CLASP2: variants seen among roughly 807,000 people sequenced by gnomAD.
CLASP2 encodes the protein CLIP-associating protein 2.
In CLASP2, 47 loss-of-function variants were observed where a neutral mutation model predicts 194.4. The observed-to-expected ratio is 0.24, with a 90% CI of 0.19 to 0.31. The LOEUF is 0.31. CLASP2 is among the 10% of genes least tolerant of loss of function. CLASP2 has a pLI of 1.00. For synonymous variants in CLASP2, 619 were observed against 633.5 expected (o/e 0.98, Z 0.34); for missense variants, 1,445 against 1,823.6 (o/e 0.79, Z 3.78).
intron 7 of CLASP2, among the ~76,000 whole-genome samples, chr3:33,657,018 C>A (rs533173590): frequency 2.6e-3 from 388 of 152,084 alleles, no homozygotes; most frequent in Non-Finnish European, 4.9e-3. Context: ...CACCTGGGCT[C>A]GGGGCTTGAA....
chr3:33,589,321 T>G (rs2068137557), intron 21 of CLASP2, among the ~76,000 whole-genome samples: 2 of 152,098 alleles, frequency 1.3e-5, no homozygotes, highest in South Asian at 4.1e-4. Context: ...CATTTATTTA[T>G]TTATTTTGGT....
chr3:33,559,524 T>C lies in CLASP2; in HGVS notation c.2931-139A>G, dbSNP rs937749709. On this transcript the variant is annotated intron_variant, in intron 28 of 38. Transcript: ENST00000682230. ...AGTAGTATCTGCATGTGGTATAAAC[T>C]ACCTGGTATAGTATACAATAAATGC... is the stretch of plus-strand genomic sequence containing the variant. 7 of 624,430 alleles carry C rather than the reference T, an allele frequency of 1.1e-5. No individual in the cohort carries two copies. In the East Asian group the frequency reaches 1.4e-4, roughly 12 times the overall value. 38.7% of individuals were successfully genotyped at this position (624,430 alleles called of 1,614,324 possible). A position where few individuals can be genotyped will look rare whatever the true frequency, so the allele number is the denominator to read the frequency against.
intron 26 of CLASP2, among the ~76,000 whole-genome samples, chr3:33,570,457 T>A (rs1216749614): frequency 6.6e-6 from 1 of 152,222 alleles, no homozygotes; most frequent in Non-Finnish European, 1.5e-5. Flanking sequence ...ACAGTCTTAG[T>A]AACACAAAAT....
Position 33,560,794 on chromosome 3 carries a change from G to GA in CLASP2, c.2930+13dup, listed in dbSNP as rs1351866785. On this transcript the variant is annotated intron_variant, in intron 28 of 38. Coordinates refer to ENST00000682230, the MANE Select transcript of CLASP2 (RefSeq NM_001365631.1). ...ATTATCAGGTTAACTTGAAATATAT[G>GA]AAAAAAATATTACCTTGTAACATCA... is the stretch of plus-strand genomic sequence containing the variant. 1.2e-6 allele frequency: 2 copies of GA among 1,608,364 alleles called. No individual in the cohort carries two copies. Among genetic ancestry groups the GA allele is most frequent in the Non-Finnish European group, 1.7e-6 (2 of 1,177,390 alleles).
At chr3:33,559,769 C>T (rs1450817972) in intron 28 of CLASP2, among the ~76,000 whole-genome samples, 1 of 152,088 alleles carries the variant, frequency 6.6e-6, no homozygotes, top group African/African-American at 2.4e-5. Context: ...TGGCGCATGT[C>T]TGTAATCTCA....
Position 33,544,827 on chromosome 3 carries a change from C to A in CLASP2, c.3168G>T (p.Val1056=). The change falls in exon 31 of 39, where the codon GTG becomes GTT. Residue 1056 remains valine, a synonymous_variant. Coordinates refer to ENST00000682230, the MANE Select transcript of CLASP2 (RefSeq NM_001365631.1). The part of the protein sequence containing the change: ...SSDVRKAAQS[V]LISLFELNTP... ...TATTGAGTTCAAATAATGAAATCAG[C>A]ACTGACTGTGCTGCCTAAAAAACAA... 6.2e-7 allele frequency: 1 copy of A among 1,608,320 alleles called. No homozygotes were observed. The highest frequency in any genetic ancestry group is 8.5e-7 in the Non-Finnish European group (1 of 1,177,784).
rs117050432 is a variant in CLASP2, at chr3:33,610,984, T to C, written c.1388+1017A>G. ...ACAAATCTTGTTTTTCCTGTCTTTA[T>C]TATTGTTGGCGATAGTGGTGTGAAG... On this transcript the variant is annotated intron_variant, in intron 13 of 38. Transcript: ENST00000682230. Among the ~76,000 whole-genome samples the C allele has an allele frequency of 6.7e-4, 102 of 152,346 alleles. No homozygotes were observed. In the East Asian group the frequency reaches 0.018, roughly 26 times the overall value.
rs1440786504 is a variant in CLASP2 at position 33,527,983 on chromosome 3, A to C, written c.3787+7250T>G. ...CTCAAAACAAAACAAAAAAAACCAC[A>C]ACAACAAAAAAGAAAACTTCAGGCC... On this transcript the variant is annotated intron_variant, in intron 34 of 38. Coordinates refer to ENST00000682230, the MANE Select transcript of CLASP2 (RefSeq NM_001365631.1). Among the ~76,000 whole-genome samples the C allele has an allele frequency of 5.3e-5, 8 of 151,952 alleles. No individual in the cohort carries two copies. In the East Asian group the frequency reaches 7.7e-4, roughly 15 times the overall value.
intron 21 of CLASP2, among the ~76,000 whole-genome samples, chr3:33,585,867 T>G (rs994769351): frequency 3.9e-5 from 6 of 152,232 alleles, no homozygotes; most frequent in African/African-American, 1.4e-4. Flanking sequence ...AATGATAATC[T>G]GTTTCATTTT....
At chr3:33,702,489 GCTAAAACT>G (rs1439511587) in intron 1 of CLASP2, among the ~76,000 whole-genome samples, 2 of 152,020 alleles carry the variant, frequency 1.3e-5, no homozygotes, top group Non-Finnish European at 2.9e-5. Context: ...AAATGTAAGA[GCTAAAACT>G]CTATAGTTAT....
intron 1 of CLASP2, among the ~76,000 whole-genome samples, chr3:33,717,259 G>A (rs988651789): frequency 1.3e-5 from 2 of 151,826 alleles, no homozygotes; most frequent in Non-Finnish European, 2.9e-5. Flanking sequence ...TTCAAAATAA[G>A]TGATCAACAT....
intron 25 of CLASP2, among the ~76,000 whole-genome samples, chr3:33,571,237 TCTC>T (rs371079456): frequency 0.16 from 22,920 of 147,810 alleles, 2,070 homozygotes; most frequent in Admixed American, 0.29. Flanking sequence ...ATGGTCTCGA[TCTC>T]CTGACCTCAT....
At chr3:33,708,460 T>TTG (rs1365002307) in intron 1 of CLASP2, among the ~76,000 whole-genome samples, 1 of 138,996 alleles carries the variant, frequency 7.2e-6, no homozygotes, top group South Asian at 2.4e-4. Context: ...GTGTCATGTG[T>TTG]TGTGTGTGTG....
At chr3:33,702,614 T>C (rs1057198023) in intron 1 of CLASP2, among the ~76,000 whole-genome samples, 3 of 151,950 alleles carry the variant, frequency 2.0e-5, no homozygotes, top group Non-Finnish European at 4.4e-5. Context: ...TTATCAAAAC[T>C]AAAAACACCT....
intron 6 of CLASP2, among the ~76,000 whole-genome samples, chr3:33,671,296 T>C: frequency 6.6e-6 from 1 of 152,068 alleles, no homozygotes; most frequent in South Asian, 2.1e-4. Context: ...CTGTTTCAAG[T>C]AGTTCCTTTT....
rs139316771 is a variant in CLASP2 at position 33,559,421 on chromosome 3, T to C, written c.2931-36A>G. 447 of 1,303,746 alleles carry C rather than the reference T, an allele frequency of 3.4e-4. 4 individuals are homozygous for C. In the East Asian group the frequency reaches 7.8e-3, roughly 23 times the overall value. The allele number at this position is 1,303,746 out of a possible 1,614,324, so 80.8% of individuals were successfully genotyped here. ...AACAAAGCAAAACGAAACAAAAATTTAGTTAGCAAGTACGCATGTAACAGC... is the reference window on the plus strand; with the variant it reads ...AACAAAGCAAAACGAAACAAAAATTCAGTTAGCAAGTACGCATGTAACAGC... On this transcript the variant is annotated intron_variant, in intron 28 of 38. Coordinates refer to ENST00000682230, the MANE Select transcript of CLASP2 (RefSeq NM_001365631.1).
At chr3:33,661,539 G>A (rs1057319168) in intron 7 of CLASP2, among the ~76,000 whole-genome samples, 2 of 152,218 alleles carry the variant, frequency 1.3e-5, no homozygotes, top group Non-Finnish European at 2.9e-5. Context: ...AGGAAATCAA[G>A]TCAGGTTTCT....
intron 37 of CLASP2, among the ~76,000 whole-genome samples, chr3:33,506,378 G>C (rs55876775): frequency 1.7e-5 from 1 of 59,476 alleles, no homozygotes; most frequent in Non-Finnish European, 3.3e-5. Flanking sequence ...ACTCTGTCTC[G>C]AAAAAAAAAA....
At chr3:33,675,717 T>C (rs77239889) in intron 6 of CLASP2, among the ~76,000 whole-genome samples, 5,740 of 115,986 alleles carry the variant, frequency 0.049, 283 homozygotes, top group East Asian at 0.11. Context: ...TCTCCTTAAG[T>C]TGATAAGCAA....
Sources: gnomAD v4.1 joint callset for allele counts (sites outside exome capture counted in the v4.1 genomes callset) on GRCh38, gnomAD v4.1.1 for gene constraint, MANE v1.5 for transcripts, NCBI Gene and HGNC (gene_info 2026-07-23, HGNC 2026-07-21) for gene names.